Variants in MAGI2 observed in about 807,000 individuals in gnomAD.
MAGI2 encodes membrane associated guanylate kinase, WW and PDZ domain containing 2.
Under a neutral mutation model 133.3 loss-of-function variants are expected in MAGI2, and 35 were observed. The observed-to-expected ratio is 0.26, with a 90% CI of 0.20 to 0.35. The LOEUF (loss-of-function observed/expected upper bound fraction) is 0.35. MAGI2 is among the 10% of genes least tolerant of loss of function. MAGI2 has a pLI of 1.00. For missense variants in MAGI2, 1,636 were observed against 1,863.4 expected, an observed-to-expected ratio of 0.88 and a Z score of 2.25; for synonymous variants, 729 against 710.6, an observed-to-expected ratio of 1.03 and a Z score of -0.41.
In MAGI2 at chr7:79,232,267, G is replaced by C. The variant is rs1270156901; in HGVS notation, c.301+220753C>G. Among the ~76,000 whole-genome samples the C allele has an allele frequency of 2.5e-3, 380 of 149,918 alleles. 1 individual carries two copies. Among genetic ancestry groups the C allele is most frequent in the Non-Finnish European group, 4.1e-3 (274 of 67,404 alleles). On this transcript the variant is annotated intron_variant, in intron 1 of 21. Coordinates refer to ENST00000354212, the MANE Select transcript of MAGI2 (RefSeq NM_012301.4). The stretch of plus-strand genomic sequence containing the variant: ...GTCTAAAATTCTCTTTTTTGGTTGT[G>C]TCTCTGCCAGGCTTTGGTATCAGAA...
chr7:78,477,517 G>A (rs957639553), intron 6 of MAGI2, among the ~76,000 whole-genome samples: 2 of 151,878 alleles, frequency 1.3e-5, no homozygotes, highest in Admixed American at 6.6e-5. Flanking sequence ...ACATGGCTGG[G>A]GAGGCCTCAC....
At chr7:79,131,804 A>G (rs1021103947) in intron 1 of MAGI2, among the ~76,000 whole-genome samples, 1 of 152,182 alleles carries the variant, frequency 6.6e-6, no homozygotes, top group Admixed American at 6.5e-5. Flanking sequence ...ATGAAAATCT[A>G]GTTAAAATCA....
intron 1 of MAGI2, among the ~76,000 whole-genome samples, chr7:79,337,366 G>T (rs1253438327): frequency 6.6e-6 from 1 of 152,176 alleles, no homozygotes; most frequent in Non-Finnish European, 1.5e-5. Context: ...GTGAGACTCT[G>T]CTGCATTGGC....
chr7:79,185,252 G>C lies in MAGI2; in HGVS notation c.302-178046C>G, dbSNP rs1439967050. On this transcript the variant is annotated intron_variant, in intron 1 of 21. Transcript: ENST00000354212. ...CCAAACTCCATTGGTATCTTTCTAG[G>C]GAAATGAAATGCGTATCTCCAAATG... Among the ~76,000 whole-genome samples, 4 of 151,816 alleles carry C rather than the reference G, an allele frequency of 2.6e-5. No individual in the cohort carries two copies. In the East Asian group the frequency reaches 7.7e-4, roughly 29 times the overall value.
intron 1 of MAGI2, among the ~76,000 whole-genome samples, chr7:79,266,867 TA>T (rs1322814666): frequency 6.6e-6 from 1 of 152,052 alleles, no homozygotes; most frequent in African/African-American, 2.4e-5. Flanking sequence ...CTAAAGAAAC[TA>T]AAGGATAACA....
chr7:78,775,039 C>A (rs1344273961), intron 2 of MAGI2, among the ~76,000 whole-genome samples: 2 of 151,896 alleles, frequency 1.3e-5, no homozygotes, highest in Admixed American at 6.6e-5. Flanking sequence ...CAGGGCCGGG[C>A]GCAGTGGCTC....
Position 78,132,315 on chromosome 7 carries a change from C to T in MAGI2, c.3203+574G>A, listed in dbSNP as rs562298449. Among the ~76,000 whole-genome samples the T allele has an allele frequency of 3.9e-5, 6 of 152,370 alleles. No homozygotes were observed. The South Asian group carries it at 1.2e-3, about 32-fold the overall frequency. On this transcript the variant is annotated intron_variant, in intron 18 of 21. Transcript: ENST00000354212. ...GCTTAACCTGCATTCACCCTGCCAG[C>T]CTCCTGTCTGCGCTCTGCAGGGCAG... is the stretch of plus-strand genomic sequence containing the variant.
chr7:78,022,501 A>G (rs928014117), intron 21 of MAGI2, among the ~76,000 whole-genome samples: 12 of 152,228 alleles, frequency 7.9e-5, no homozygotes, highest in African/African-American at 2.4e-4. Context: ...AAAATGGGCC[A>G]GTTAGGAGTA....
chr7:78,573,284 T>TATATATAAATATATATATATTTA (rs1563188890), intron 3 of MAGI2, among the ~76,000 whole-genome samples: 1 of 26,874 alleles, frequency 3.7e-5, no homozygotes, highest in Non-Finnish European at 5.8e-5. Flanking sequence ...ATATATATAT[T>TATATATAAATATATATATATTTA]TATATAAATA....
chr7:78,618,845 T>TA (rs1807392021), intron 3 of MAGI2: 1 of 150,662 alleles, frequency 6.6e-6, no homozygotes, highest in South Asian at 2.1e-4. Context: ...GAGAGTAGAG[T>TA]GGTGGTTACC....
intron 1 of MAGI2, among the ~76,000 whole-genome samples, chr7:79,289,438 T>A (rs1229733013): frequency 1.3e-5 from 2 of 152,154 alleles, no homozygotes; most frequent in Non-Finnish European, 2.9e-5. Context: ...GAGGGCAAGG[T>A]CATGAGATTT....
At chr7:78,878,095 G>C (rs1457386352) in intron 2 of MAGI2, among the ~76,000 whole-genome samples, 3 of 152,138 alleles carry the variant, frequency 2.0e-5, no homozygotes, top group African/African-American at 7.2e-5. Context: ...ACAAAGTCAT[G>C]GTGAAAATCA....
At chr7:79,345,844 C>A (rs1002873584) in intron 1 of MAGI2, among the ~76,000 whole-genome samples, 2 of 152,008 alleles carry the variant, frequency 1.3e-5, no homozygotes, top group Middle Eastern at 3.2e-3. Context: ...ATTCATTTTG[C>A]ATTCACTATT....
intron 2 of MAGI2, among the ~76,000 whole-genome samples, chr7:78,802,353 G>GT (rs1563522840): frequency 1.3e-5 from 2 of 152,038 alleles, no homozygotes; most frequent in African/African-American, 2.4e-5. Context: ...TGCCATTTAG[G>GT]TTTTTTATGT....
At chr7:78,199,665 T>A (rs554469584) in intron 11 of MAGI2, among the ~76,000 whole-genome samples, 2 of 152,206 alleles carry the variant, frequency 1.3e-5, no homozygotes, top group South Asian at 4.1e-4. Flanking sequence ...GGTAGATACA[T>A]GGAAGACATC....
At chr7:78,466,116 A>G (rs947800255) in intron 6 of MAGI2, among the ~76,000 whole-genome samples, 4 of 152,166 alleles carry the variant, frequency 2.6e-5, no homozygotes, top group African/African-American at 9.6e-5. Flanking sequence ...TTGTTAAGCC[A>G]CTTTGCCCTC....
intron 21 of MAGI2, among the ~76,000 whole-genome samples, chr7:78,032,940 AAG>A (rs1423363056): frequency 1.3e-5 from 2 of 152,120 alleles, no homozygotes; most frequent in African/African-American, 2.4e-5. Flanking sequence ...ATAGGGCTTC[AAG>A]AGAGAGTCTG....
At chr7:78,955,744 T>TCTTC (rs1491306148) in intron 2 of MAGI2, among the ~76,000 whole-genome samples, 27 of 66,632 alleles carry the variant, frequency 4.1e-4, no homozygotes, top group African/African-American at 1.1e-3. Flanking sequence ...TTTCTTTCTT[T>TCTTC]CTTTCTTTCT....
chr7:79,132,180 G>A (rs1820995935), intron 1 of MAGI2, among the ~76,000 whole-genome samples: 1 of 152,102 alleles, frequency 6.6e-6, no homozygotes, highest in Non-Finnish European at 1.5e-5. Flanking sequence ...TGAGGTATAA[G>A]TGATTTTATC....
Sources: gnomAD v4.1 joint callset for allele counts (sites outside exome capture counted in the v4.1 genomes callset) on GRCh38, gnomAD v4.1.1 for gene constraint, MANE v1.5 for transcripts, NCBI Gene and HGNC (gene_info 2026-07-23, HGNC 2026-07-21) for gene names.